SPECC1: variants seen among roughly 807,000 people sequenced by gnomAD.
SPECC1 encodes the protein cytospin-B.
In SPECC1, 62 loss-of-function variants were observed where a neutral mutation model predicts 104.1. The observed-to-expected ratio is 0.60, with a 90% CI of 0.49 to 0.74. The LOEUF is 0.74. Among genes scored for constraint, SPECC1 ranks in the 30% least tolerant of loss-of-function variants. The pLI, the probability that SPECC1 is intolerant of heterozygous loss-of-function variation, is 0.00. For synonymous variants in SPECC1, 513 were observed against 501.6 expected (o/e 1.02, Z -0.30); for missense variants, 1,306 against 1,310.5 (o/e 1.00, Z 0.05).
At chr17:20,068,072 C>T (rs1265273683) in intron 1 of SPECC1, among the ~76,000 whole-genome samples, 2 of 152,002 alleles carry the variant, frequency 1.3e-5, no homozygotes, top group Non-Finnish European at 2.9e-5. Flanking sequence ...CCTCTGCCAT[C>T]CTCCCACCTC....
At chr17:20,208,363 G>A (rs1597979384) in intron 4 of SPECC1, among the ~76,000 whole-genome samples, 2 of 152,306 alleles carry the variant, frequency 1.3e-5, no homozygotes, top group East Asian at 3.9e-4. Context: ...AATTGCAGTG[G>A]ACTTGTAACA....
At chr17:20,189,413 C>A (rs1366156412) in intron 3 of SPECC1, among the ~76,000 whole-genome samples, 2 of 152,142 alleles carry the variant, frequency 1.3e-5, no homozygotes, top group African/African-American at 4.8e-5. Flanking sequence ...ATTTGATGTC[C>A]CTGCCTGCTT....
intron 1 of SPECC1, among the ~76,000 whole-genome samples, chr17:20,047,700 C>G (rs769670339): frequency 1.3e-5 from 2 of 151,796 alleles, no homozygotes; most frequent in Non-Finnish European, 2.9e-5. Flanking sequence ...CAGGTTCATG[C>G]CATTCTCCTG....
chr17:20,252,168 T>TA (rs1047517632), intron 9 of SPECC1, among the ~76,000 whole-genome samples: 8 of 152,042 alleles, frequency 5.3e-5, no homozygotes, highest in South Asian at 4.1e-4. Flanking sequence ...TAAATGGCAG[T>TA]AAAAAAAATA....
chr17:20,309,694 C>T (rs1356777842), intron 14 of SPECC1, among the ~76,000 whole-genome samples: 1 of 152,124 alleles, frequency 6.6e-6, no homozygotes, highest in African/African-American at 2.4e-5. Context: ...ATAATGGCCC[C>T]TAGCTGAATC....
intron 3 of SPECC1, among the ~76,000 whole-genome samples, chr17:20,203,238 A>AC (rs535486416): frequency 2.0e-3 from 306 of 151,156 alleles, no homozygotes; most frequent in Middle Eastern, 7.0e-3. Context: ...TGTGTAAGTG[A>AC]CAGCAGCCAG....
At chr17:20,226,232 AATAC>A (rs1300411253) in intron 4 of SPECC1, among the ~76,000 whole-genome samples, 3 of 152,250 alleles carry the variant, frequency 2.0e-5, no homozygotes, top group African/African-American at 7.2e-5. Context: ...CAAACAGTGG[AATAC>A]TATGCACCAA....
rs1003710737 is a variant in SPECC1, at chr17:20,141,476, T to C, written c.283+30914T>C. Among the ~76,000 whole-genome samples, 10 of 152,308 alleles carry C rather than the reference T, an allele frequency of 6.6e-5. 1 individual carries two copies. Among genetic ancestry groups the C allele is most frequent in the Admixed American group, 6.5e-4 (10 of 15,300 alleles). The stretch of plus-strand genomic sequence containing the variant: ...TGATTCAGAGCGAGGACATGGCTCT[T>C]TTGAGGTTGTAAATAATACATCAAG... On this transcript the variant is annotated intron_variant, in intron 3 of 14. Transcript: ENST00000395527.
At chr17:20,080,436 G>C (rs1017231125) in intron 1 of SPECC1, among the ~76,000 whole-genome samples, 4 of 152,224 alleles carry the variant, frequency 2.6e-5, no homozygotes, top group African/African-American at 9.6e-5. Context: ...GGGGATCAGA[G>C]GGTCCCTCTG....
At chr17:20,021,991 G>A (rs2044408908) in intron 1 of SPECC1, among the ~76,000 whole-genome samples, 1 of 151,426 alleles carries the variant, frequency 6.6e-6, no homozygotes, top group African/African-American at 2.4e-5. Flanking sequence ...GCCCAGGCTG[G>A]AGTGCAGTGG....
chr17:20,271,858 C>T (rs1394620555), intron 12 of SPECC1, among the ~76,000 whole-genome samples: 1 of 151,282 alleles, frequency 6.6e-6, no homozygotes, highest in Non-Finnish European at 1.5e-5. Flanking sequence ...CTTTGTTTTA[C>T]CCTGATGCTT....
intron 3 of SPECC1, chr17:20,112,358 T>C (rs2048535649): frequency 1.3e-6 from 1 of 757,310 alleles, no homozygotes; most frequent in Admixed American, 1.7e-5. Context: ...TATTGACTCA[T>C]TGATTGAACA....
chr17:20,208,098 A>G (rs543953765), intron 4 of SPECC1, among the ~76,000 whole-genome samples: 1 of 152,328 alleles, frequency 6.6e-6, no homozygotes, highest in African/African-American at 2.4e-5. Context: ...GAAAGTGTGC[A>G]TTTTCTGTAG....
chr17:20,126,314 T>G (rs896371860), intron 3 of SPECC1: 4 of 152,254 alleles, frequency 2.6e-5, no homozygotes, highest in African/African-American at 4.8e-5. Context: ...TTTGTTGAGT[T>G]TATGCCTTTG....
At chr17:20,019,406 A>G (rs1318291596) in intron 1 of SPECC1, among the ~76,000 whole-genome samples, 1 of 151,588 alleles carries the variant, frequency 6.6e-6, no homozygotes, top group Non-Finnish European at 1.5e-5. Flanking sequence ...CCTTCTCTGA[A>G]GAGAGAACAC....
At chr17:20,290,830 G>T (rs1379431338) in intron 12 of SPECC1, among the ~76,000 whole-genome samples, 1 of 152,188 alleles carries the variant, frequency 6.6e-6, no homozygotes, top group Non-Finnish European at 1.5e-5. Flanking sequence ...AGTGTTCAAT[G>T]AACTAGCATA....
chr17:20,087,255 C>T (rs747625734), intron 1 of SPECC1, among the ~76,000 whole-genome samples: 5 of 152,090 alleles, frequency 3.3e-5, no homozygotes, highest in Non-Finnish European at 7.4e-5. Context: ...TAAAAGCCAT[C>T]CCTCAGGAAT....
In SPECC1 at chr17:20,316,057, G is replaced by A. The variant is rs969631480; in HGVS notation, c.*1992G>A. 2.1e-5 allele frequency: 5 copies of A among 232,580 alleles called. No individual in the cohort carries two copies. The highest frequency in any genetic ancestry group is 4.2e-5 in the Non-Finnish European group (5 of 117,694). The allele number at this position is 232,580 out of a possible 1,614,324, so 14.4% of individuals were successfully genotyped here. On this transcript the variant is annotated 3_prime_UTR_variant, in exon 15 of 15. Transcript: ENST00000395527. ...GCGGGAGCTCCTGAGCAGCTGTTGG[G>A]CGATGGTCATTACATCACCCATGCC...
chr17:20,132,884 C>T (rs910917672), intron 3 of SPECC1, among the ~76,000 whole-genome samples: 5 of 152,002 alleles, frequency 3.3e-5, no homozygotes, highest in African/African-American at 7.2e-5. Flanking sequence ...GGACTACAGG[C>T]GCCCGCCACC....
Sources: gnomAD v4.1 joint callset for allele counts (sites outside exome capture counted in the v4.1 genomes callset) on GRCh38, gnomAD v4.1.1 for gene constraint, MANE v1.5 for transcripts, NCBI Gene and HGNC (gene_info 2026-07-23, HGNC 2026-07-21) for gene names.